The following SERPINB7 variants were observed in gnomAD, a reference collection of about 807,000 sequenced individuals.
The protein encoded by SERPINB7 is serpin B7.
Under a neutral mutation model 37.4 loss-of-function variants are expected in SERPINB7, and 31 were observed. The ratio of observed to expected loss-of-function variants is 0.83; its 90% CI spans 0.62 to 1.12. The LOEUF (loss-of-function observed/expected upper bound fraction) is 1.12. Among genes scored for constraint, SERPINB7 ranks in the 50% most tolerant of loss-of-function variants. The pLI is 0.00. For synonymous variants in SERPINB7, 163 were observed against 166.1 expected, an observed-to-expected ratio of 0.98 and a Z score of 0.14; for missense variants, 521 against 455.3, an observed-to-expected ratio of 1.14 and a Z score of -1.31.
rs1332983616 is a variant in SERPINB7, at chr18:63,754,272, T to G, written c.-19+1152T>G. Among the ~76,000 whole-genome samples, 3 of 152,180 alleles carry G rather than the reference T, an allele frequency of 2.0e-5. No individual in the cohort carries two copies. The East Asian group carries it at 5.8e-4, about 29-fold the overall frequency. On this transcript the variant is annotated intron_variant, in intron 1 of 7. Coordinates refer to the SERPINB7 transcript ENST00000336429. ...TTTAGAGATTGATAGAGGATAGAAT[T>G]AGGAAGAAATAAATTTCACGCCAAG...
chr18:63,801,774 T>C (rs111620842), intron 7 of SERPINB7, among the ~76,000 whole-genome samples: 3 of 152,242 alleles, frequency 2.0e-5, no homozygotes, highest in East Asian at 3.9e-4. Context: ...GTGTCAGAAA[T>C]GTAAAAGTCT....
intron 1 of SERPINB7, chr18:63,777,661 CATCTG>C (rs2049261625): frequency 6.6e-6 from 1 of 151,998 alleles, no homozygotes; most frequent in African/African-American, 2.4e-5. Flanking sequence ...CTCTATAAAG[CATCTG>C]AATATATTTA....
At chr18:63,803,651 C>A (rs1055333345) in intron 7 of SERPINB7, among the ~76,000 whole-genome samples, 6 of 152,128 alleles carry the variant, frequency 3.9e-5, no homozygotes, top group African/African-American at 1.4e-4. Flanking sequence ...TCCTCCTGCA[C>A]TTCAGTTGCC....
rs2049591030 is a variant in SERPINB7 at position 63,804,823 on chromosome 18, C to T, written c.*188C>T. The T allele has an allele frequency of 3.5e-6, 2 of 577,186 alleles. No individual in the cohort carries two copies. The highest frequency in any genetic ancestry group is 9.1e-4 in the Middle Eastern group (2 of 2,202). 35.8% of individuals were successfully genotyped at this position (577,186 alleles called of 1,614,324 possible). A position where few individuals can be genotyped will look rare whatever the true frequency, so the allele number is the denominator to read the frequency against. ...CTGGTTGATTGTCCTGATCCCTGCT[C>T]TTAGCATTCTACCACCATGTGTCTC... On this transcript the variant is annotated 3_prime_UTR_variant, in exon 8 of 8. Coordinates refer to ENST00000398019, the MANE Select transcript of SERPINB7 (RefSeq NM_003784.4).
At chr18:63,782,665 T>C in intron 2 of SERPINB7, 125 bp downstream of exon 2, 1 of 866,596 alleles carries the variant, frequency 1.2e-6, no homozygotes. Context: ...TCTTCACACA[T>C]CTCCACGAGG....
Position 63,756,804 on chromosome 18 carries a change from T to TGTG in SERPINB7, c.-19+3684_-19+3685insGTG, listed in dbSNP as rs2049124615. ...GTTGTTTCCAGGGTCTTGGGGTAGCTTGTGTGTGTGTGTGTGTGTGTGTGT... is the reference window on the plus strand; with the variant it reads ...GTTGTTTCCAGGGTCTTGGGGTAGCTGTGTGTGTGTGTGTGTGTGTGTGTGTGT... On this transcript the variant is annotated intron_variant, in intron 1 of 7. Coordinates refer to the SERPINB7 transcript ENST00000336429. Among the ~76,000 whole-genome samples the TGTG allele has an allele frequency of 2.1e-4, 29 of 137,346 alleles. No homozygotes were observed. In the East Asian group the frequency reaches 5.2e-3, roughly 25 times the overall value. 90.1% of individuals were successfully genotyped at this position (137,346 alleles called of 152,430 possible). A position where few individuals can be genotyped will look rare whatever the true frequency, so the allele number is the denominator to read the frequency against.
intron 1 of SERPINB7, among the ~76,000 whole-genome samples, chr18:63,781,825 T>A (rs1226300842): frequency 6.6e-6 from 1 of 152,134 alleles, no homozygotes; most frequent in Non-Finnish European, 1.5e-5. Context: ...ATGGGACCAA[T>A]GATGCATAAT....
At chr18:63,760,515 C>G (rs1213151932) in intron 1 of SERPINB7, among the ~76,000 whole-genome samples, 1 of 152,176 alleles carries the variant, frequency 6.6e-6, no homozygotes, top group Non-Finnish European at 1.5e-5. Flanking sequence ...AGCAAGGAGC[C>G]TAATGTTAAT....
Position 63,762,182 on chromosome 18 carries a change from C to T in SERPINB7, c.-19+9062C>T, listed in dbSNP as rs115054081. On this transcript the variant is annotated intron_variant, in intron 1 of 7. Coordinates refer to the SERPINB7 transcript ENST00000336429. ...GCAATGTGGTGCCAAGCCCAGCACCCACCAGGCCTGTGAAGAAAATTCGTT... is the reference window on the plus strand; with the variant it reads ...GCAATGTGGTGCCAAGCCCAGCACCTACCAGGCCTGTGAAGAAAATTCGTT... Among the ~76,000 whole-genome samples the T allele has an allele frequency of 2.7e-3, 409 of 152,252 alleles. 2 individuals carry two copies. The highest frequency in any genetic ancestry group is 9.6e-3 in the African/African-American group (400 of 41,536).
intron 3 of SERPINB7, 34 bp downstream of exon 3, chr18:63,792,477 G>C: frequency 1.4e-6 from 2 of 1,419,432 alleles, no homozygotes; most frequent in Non-Finnish European, 2.0e-6. Flanking sequence ...AAAAAGAGAA[G>C]GTGAGCCAGG....
intron 7 of SERPINB7, among the ~76,000 whole-genome samples, chr18:63,802,852 A>G (rs2049564545): frequency 1.3e-5 from 2 of 152,200 alleles, no homozygotes; most frequent in Non-Finnish European, 2.9e-5. Context: ...ACTTTCTTTC[A>G]TTACGTTTTC....
At chr18:63,792,161 A>G (rs887973045) in intron 2 of SERPINB7, among the ~76,000 whole-genome samples, 2 of 152,226 alleles carry the variant, frequency 1.3e-5, no homozygotes, top group African/African-American at 2.4e-5. Flanking sequence ...AGTAAACCTA[A>G]GAGAAAATCA....
chr18:63,798,497 GTTA>G (rs1205031991), intron 5 of SERPINB7, 104 bp from the exon 6 acceptor site: 16 of 778,960 alleles, frequency 2.1e-5, no homozygotes, highest in Middle Eastern at 3.6e-4. Context: ...TCTTATTGGT[GTTA>G]TTATGTGTTA....
intron 2 of SERPINB7, among the ~76,000 whole-genome samples, chr18:63,783,246 GAAAGAAAGAA>G (rs1455033856): frequency 7.2e-6 from 1 of 138,592 alleles, no homozygotes; most frequent in Non-Finnish European, 1.6e-5. Flanking sequence ...AAGAAAGAAA[GAAAGAAAGAA>G]AGAAAGAAAG....
chr18:63,782,929 G>C (rs541765217), intron 2 of SERPINB7, among the ~76,000 whole-genome samples: 1 of 151,850 alleles, frequency 6.6e-6, no homozygotes, highest in Non-Finnish European at 1.5e-5. Context: ...ACGAGGTCAG[G>C]AGATCGAGAC....
chr18:63,781,366 A>T (rs1444414309), intron 1 of SERPINB7, among the ~76,000 whole-genome samples: 1 of 152,252 alleles, frequency 6.6e-6, no homozygotes, highest in Non-Finnish European at 1.5e-5. Context: ...AGTTCACACA[A>T]CTATTAGCAA....
At chr18:63,753,328 G>A (rs2049102786) in intron 1 of SERPINB7, among the ~76,000 whole-genome samples, 1 of 152,136 alleles carries the variant, frequency 6.6e-6, no homozygotes. Context: ...CCACATGGTT[G>A]TTGTAGACTA....
At chr18:63,755,785 T>C (rs992433169) in intron 1 of SERPINB7, among the ~76,000 whole-genome samples, 4 of 152,010 alleles carry the variant, frequency 2.6e-5, no homozygotes, top group African/African-American at 9.7e-5. Context: ...TCCCAGCTGC[T>C]TGGAAGGCTG....
chr18:63,797,802 A>G (rs2049503995), intron 5 of SERPINB7, among the ~76,000 whole-genome samples: 1 of 152,218 alleles, frequency 6.6e-6, no homozygotes, highest in Admixed American at 6.5e-5. Flanking sequence ...CTTACCAGAC[A>G]TTCAAGCCTC....
Sources: gnomAD v4.1 joint callset for allele counts (sites outside exome capture counted in the v4.1 genomes callset) on GRCh38, gnomAD v4.1.1 for gene constraint, MANE v1.5 for transcripts, NCBI Gene and HGNC (gene_info 2026-07-23, HGNC 2026-07-21) for gene names.